Variants in RBFOX3 observed in about 807,000 individuals in gnomAD.
The protein encoded by RBFOX3 is RNA binding fox-1 homolog 3.
A neutral mutation model predicts 48.7 loss-of-function variants in RBFOX3; 17 were observed. That is an observed-to-expected ratio of 0.35 (90% CI 0.24 to 0.52). The LOEUF (loss-of-function observed/expected upper bound fraction) is 0.52. RBFOX3 is among the 20% of genes least tolerant of loss of function. RBFOX3 has a pLI of 0.94. For missense variants in RBFOX3, 382 were observed against 497.5 expected (o/e 0.77, Z 2.21); for synonymous variants, 212 against 209.5 (o/e 1.01, Z -0.10).
At chr17:79,369,168 C>T (rs138974095) in intron 2 of RBFOX3, among the ~76,000 whole-genome samples, 260 of 152,282 alleles carry the variant, frequency 1.7e-3, no homozygotes, top group Admixed American at 3.2e-3. Context: ...TCCAAGCACA[C>T]GAGCAACGGG....
chr17:79,281,004 T>C (rs558749443), intron 3 of RBFOX3, among the ~76,000 whole-genome samples: 1 of 152,300 alleles, frequency 6.6e-6, no homozygotes, highest in African/African-American at 2.4e-5. Context: ...TACTGAAAGA[T>C]GATCCCCTAT....
At chr17:79,287,243 C>T (rs1346825648) in intron 3 of RBFOX3, among the ~76,000 whole-genome samples, 2 of 152,206 alleles carry the variant, frequency 1.3e-5, no homozygotes, top group Non-Finnish European at 2.9e-5. Context: ...CCTTACTGCT[C>T]CCAGGTGCGA....
intron 4 of RBFOX3, among the ~76,000 whole-genome samples, chr17:79,167,732 G>T (rs1013656565): frequency 1.3e-4 from 20 of 152,192 alleles, no homozygotes; most frequent in African/African-American, 4.8e-4. Context: ...CCCATCAGCT[G>T]CCCTGGGGCC....
In RBFOX3 at chr17:79,531,340, G is replaced by A. The variant is rs1043063365; in HGVS notation, c.-319-48742C>T. Reference sequence around the variant, plus strand: ...CCAGGTGGGCATGAGGAGGCTGCCTGCGTGTGCGGAGGAGGGCGGCCCAGG... The same window carrying A: ...CCAGGTGGGCATGAGGAGGCTGCCTACGTGTGCGGAGGAGGGCGGCCCAGG... On this transcript the variant is annotated intron_variant, in intron 1 of 14. Coordinates refer to ENST00000693108, the MANE Select transcript of RBFOX3 (RefSeq NM_001350451.2). Among the ~76,000 whole-genome samples the A allele has an allele frequency of 4.6e-5, 7 of 152,214 alleles. No individual in the cohort carries two copies. The East Asian group carries it at 1.4e-3, about 29-fold the overall frequency.
rs1281875852 is a variant in RBFOX3, at chr17:79,119,007, AT to A, written c.-33-3260del. ...AAAAAAAAAAAATAAAGAAAATAAA[AT>A]AAAAAAGAAAGCGCAGCTCCTGTCC... On this transcript the variant is annotated intron_variant, in intron 4 of 14. Coordinates refer to ENST00000693108, the MANE Select transcript of RBFOX3 (RefSeq NM_001350451.2). 7.9e-3 allele frequency among the ~76,000 whole-genome samples: 1,000 copies of A among 127,012 alleles called. 17 individuals are homozygous for A. The highest frequency in any genetic ancestry group is 0.013 in the Non-Finnish European group (703 of 55,788). The allele number at this position is 127,012 out of a possible 152,430, so 83.3% of individuals were successfully genotyped here. A position where few individuals can be genotyped will look rare whatever the true frequency, so the allele number is the denominator to read the frequency against.
chr17:79,639,347 T>G, the RBFOX3 span, among the ~76,000 whole-genome samples: 2 of 151,990 alleles, frequency 1.3e-5, no homozygotes, highest in Non-Finnish European at 2.9e-5. Flanking sequence ...GCTAATTTTT[T>G]TGGTATTTTT....
chr17:79,654,304 T>C, the RBFOX3 span, among the ~76,000 whole-genome samples: 1 of 151,944 alleles, frequency 6.6e-6, no homozygotes, highest in Middle Eastern at 3.2e-3. Context: ...TAGACTACCC[T>C]CCAAAGAATT....
At chr17:79,156,599 C>T (rs2045859115) in intron 4 of RBFOX3, among the ~76,000 whole-genome samples, 1 of 152,210 alleles carries the variant, frequency 6.6e-6, no homozygotes, top group South Asian at 2.1e-4. Context: ...CAAATCTGGC[C>T]CGCTGCTTCT....
chr17:79,509,400 C>G (rs1406749985), intron 1 of RBFOX3, among the ~76,000 whole-genome samples: 2 of 152,066 alleles, frequency 1.3e-5, no homozygotes, highest in Non-Finnish European at 2.9e-5. Flanking sequence ...AGCCAGGGGC[C>G]CAGGCTCCCA....
intron 4 of RBFOX3, among the ~76,000 whole-genome samples, chr17:79,123,283 T>C (rs1477226306): frequency 1.3e-5 from 2 of 152,206 alleles, no homozygotes; most frequent in African/African-American, 4.8e-5. Context: ...GATGTGATTA[T>C]CACACACTGC....
At chr17:79,478,458 C>T (rs932741430) in intron 2 of RBFOX3, among the ~76,000 whole-genome samples, 8 of 152,244 alleles carry the variant, frequency 5.3e-5, no homozygotes, top group Non-Finnish European at 1.2e-4. Flanking sequence ...GCAGCACCCG[C>T]TCCCATCTCA....
intron 3 of RBFOX3, among the ~76,000 whole-genome samples, chr17:79,258,059 C>T (rs989243533): frequency 2.6e-5 from 4 of 152,126 alleles, no homozygotes; most frequent in Admixed American, 1.3e-4. Context: ...GGAATAGATG[C>T]CAATGCCTAC....
At chr17:79,648,852 C>G in the RBFOX3 span, among the ~76,000 whole-genome samples, 1 of 152,198 alleles carries the variant, frequency 6.6e-6, no homozygotes, top group Non-Finnish European at 1.5e-5. Flanking sequence ...CCTTAAAACC[C>G]TCTTGCTCCA....
chr17:79,450,649 C>T (rs1446092634), intron 2 of RBFOX3, among the ~76,000 whole-genome samples: 69 of 151,906 alleles, frequency 4.5e-4, no homozygotes, highest in Non-Finnish European at 1.6e-4. Flanking sequence ...CATCATAATT[C>T]CAGGAGCACC....
chr17:79,569,086 A>G (rs1441177055), intron 1 of RBFOX3, among the ~76,000 whole-genome samples: 1 of 149,880 alleles, frequency 6.7e-6, no homozygotes, highest in Non-Finnish European at 1.5e-5. Flanking sequence ...TATAGCAAGA[A>G]AAAAAAAAAA....
intron 4 of RBFOX3, among the ~76,000 whole-genome samples, chr17:79,117,007 C>A (rs973482485): frequency 1.3e-5 from 2 of 152,192 alleles, no homozygotes; most frequent in South Asian, 4.1e-4. Context: ...TGGTGGGGAG[C>A]CCTTATGATC....
At chr17:79,407,148 C>T (rs1279556729) in intron 2 of RBFOX3, among the ~76,000 whole-genome samples, 1 of 152,248 alleles carries the variant, frequency 6.6e-6, no homozygotes, top group African/African-American at 2.4e-5. Context: ...GCTGGGACTA[C>T]AGGCACCCGC....
chr17:79,610,540 C>CG (rs1461011398), intron 1 of RBFOX3, among the ~76,000 whole-genome samples: 1 of 152,054 alleles, frequency 6.6e-6, no homozygotes, highest in Non-Finnish European at 1.5e-5. Flanking sequence ...GCCCGACCCC[C>CG]GGGCCTTCCC....
At chr17:79,618,351 C>T in the RBFOX3 span, among the ~76,000 whole-genome samples, 2 of 152,142 alleles carry the variant, frequency 1.3e-5, no homozygotes, top group South Asian at 2.1e-4. Context: ...TTGAGTGGGA[C>T]GTGAGCCGTA....
Sources: gnomAD v4.1 joint callset for allele counts (sites outside exome capture counted in the v4.1 genomes callset) on GRCh38, gnomAD v4.1.1 for gene constraint, MANE v1.5 for transcripts, NCBI Gene and HGNC (gene_info 2026-07-23, HGNC 2026-07-21) for gene names.